The following HIPK2 variants were observed in gnomAD, a reference collection of about 807,000 sequenced individuals.
The protein encoded by HIPK2 is homeodomain interacting protein kinase 2.
HIPK2 carries 27 observed loss-of-function variants against 113.7 expected under a neutral mutation model. The ratio of observed to expected loss-of-function variants is 0.24; its 90% CI spans 0.17 to 0.33. The LOEUF is 0.33. HIPK2 is among the 10% of genes least tolerant of loss of function. The pLI is 1.00. For synonymous variants in HIPK2, 631 were observed against 642.2 expected (o/e 0.98, Z 0.26); for missense variants, 1,257 against 1,588.0 (o/e 0.79, Z 3.54).
intron 2 of HIPK2, among the ~76,000 whole-genome samples, chr7:139,679,111 A>C (rs1446368745): frequency 6.6e-6 from 1 of 152,192 alleles, no homozygotes; most frequent in African/African-American, 2.4e-5. Context: ...CTGCAAAGAG[A>C]GACGATTTGA....
intron 11 of HIPK2, among the ~76,000 whole-genome samples, chr7:139,599,069 T>G (rs1026973728): frequency 6.6e-6 from 1 of 152,218 alleles, no homozygotes; most frequent in African/African-American, 2.4e-5. Context: ...TCTGCTTATA[T>G]GAGGAAGCAG....
intron 2 of HIPK2, among the ~76,000 whole-genome samples, chr7:139,656,940 G>C (rs994875670): frequency 1.3e-5 from 2 of 151,386 alleles, no homozygotes; most frequent in Admixed American, 6.6e-5. Flanking sequence ...GCACAATCTC[G>C]GCTCACTGCA....
At chr7:139,582,382 G>A (rs1351036364) in intron 13 of HIPK2, among the ~76,000 whole-genome samples, 1 of 152,320 alleles carries the variant, frequency 6.6e-6, no homozygotes, top group East Asian at 1.9e-4. Flanking sequence ...AGCACAGCGC[G>A]AGCTGCGTGC....
chr7:139,716,121 A>G lies in HIPK2; in HGVS notation c.914T>C (p.Leu305Pro), dbSNP rs1230898544. 6.2e-7 allele frequency: 1 copy of G among 1,614,068 alleles called. No homozygotes were observed. The highest frequency in any genetic ancestry group is 8.5e-7 in the Non-Finnish European group (1 of 1,179,946). ...PLPLKYIRPVLQQVATALMKL... is the reference protein window; with the variant it reads ...PLPLKYIRPVPQQVATALMKL... ...CATCAGGGCTGTGGCTACCTGCTGGAGAACTGGGCGAATGTATTTGAGGGG... is the reference window on the plus strand; with the variant it reads ...CATCAGGGCTGTGGCTACCTGCTGGGGAACTGGGCGAATGTATTTGAGGGG... Residue 305 changes from leucine (L) to proline (P), a missense_variant, in exon 2 of 15, where the codon CTC becomes CCC. Coordinates refer to ENST00000406875, the MANE Select transcript of HIPK2 (RefSeq NM_022740.5). The surrounding 1 kb of genome is among the most constrained non-coding windows in gnomAD (Gnocchi z 9.3).
chr7:139,606,668 C>T (rs1420658090), intron 9 of HIPK2, among the ~76,000 whole-genome samples: 1 of 152,222 alleles, frequency 6.6e-6, no homozygotes, highest in Non-Finnish European at 1.5e-5. Context: ...CTAGACAATT[C>T]TCTCTAGGGG....
intron 6 of HIPK2, 97 bp from the exon 7 acceptor site, chr7:139,620,660 G>C: frequency 1.4e-6 from 2 of 1,436,328 alleles, no homozygotes; most frequent in Non-Finnish European, 1.9e-6. Flanking sequence ...GGAGAGAAGG[G>C]TTAATTCAGT....
intron 2 of HIPK2, among the ~76,000 whole-genome samples, chr7:139,702,638 G>A (rs972659510): frequency 6.6e-6 from 1 of 152,148 alleles, no homozygotes; most frequent in South Asian, 2.1e-4. Context: ...TTGAGATAAC[G>A]ATTACAGGGA....
intron 1 of HIPK2, among the ~76,000 whole-genome samples, chr7:139,751,576 A>G (rs900362900): frequency 1.4e-5 from 2 of 147,664 alleles, no homozygotes; most frequent in African/African-American, 5.1e-5. Context: ...GGATGGATGG[A>G]TGGTTGGATG....
chr7:139,666,719 G>C (rs945900065), intron 2 of HIPK2, among the ~76,000 whole-genome samples: 1 of 152,140 alleles, frequency 6.6e-6, no homozygotes, highest in Non-Finnish European at 1.5e-5. Flanking sequence ...AAAGATGTTA[G>C]AAATGTATTA....
intron 2 of HIPK2, among the ~76,000 whole-genome samples, chr7:139,680,918 T>C (rs1273784323): frequency 6.6e-6 from 1 of 152,234 alleles, no homozygotes; most frequent in Non-Finnish European, 1.5e-5. Context: ...ACAGGGCCAC[T>C]GTGCTACAAG....
At chr7:139,695,089 A>G (rs1794524966) in intron 2 of HIPK2, among the ~76,000 whole-genome samples, 1 of 152,214 alleles carries the variant, frequency 6.6e-6, no homozygotes, top group Admixed American at 6.5e-5. Context: ...TTTTGTCAAG[A>G]AAACAAAACG....
intron 2 of HIPK2, among the ~76,000 whole-genome samples, chr7:139,666,817 G>C (rs780492432): frequency 1.3e-5 from 2 of 152,158 alleles, no homozygotes; most frequent in Non-Finnish European, 2.9e-5. Context: ...AATCCTAGCA[G>C]TTTGGGAGGC....
At chr7:139,599,172 G>A (rs1051227303) in intron 11 of HIPK2, among the ~76,000 whole-genome samples, 2 of 152,196 alleles carry the variant, frequency 1.3e-5, no homozygotes, top group Non-Finnish European at 1.5e-5. Flanking sequence ...TGTGCCATTA[G>A]GAAGAGATGC....
At chr7:139,646,491 C>T (rs1347337735) in intron 2 of HIPK2, among the ~76,000 whole-genome samples, 2 of 131,572 alleles carry the variant, frequency 1.5e-5, no homozygotes, top group African/African-American at 2.9e-5. Context: ...CAGAGTAAGA[C>T]CTTGTCTTAA....
intron 7 of HIPK2, among the ~76,000 whole-genome samples, chr7:139,616,112 G>GGCACCTGTA (rs1800034986): frequency 6.6e-6 from 1 of 152,078 alleles, no homozygotes; most frequent in Non-Finnish European, 1.5e-5. Flanking sequence ...TGGGGGTCCT[G>GGCACCTGTA]GCACCTGTAT....
chr7:139,617,720 A>G lies in HIPK2; in HGVS notation c.1782+2681T>C, dbSNP rs570033787. ...TTCCTTGAGACCTAAAAGATTGTAG[A>G]TTCATGATCATTTGGGAAATGGTTC... is the stretch of plus-strand genomic sequence containing the variant. On this transcript the variant is annotated intron_variant, in intron 7 of 14. Transcript: ENST00000406875. Among the ~76,000 whole-genome samples the G allele has an allele frequency of 1.1e-4, 17 of 152,360 alleles. No individual in the cohort carries two copies. The South Asian group carries it at 3.5e-3, about 32-fold the overall frequency.
At chr7:139,596,636 G>A in intron 12 of HIPK2, 81 bp downstream of exon 12, 1 of 1,533,324 alleles carries the variant, frequency 6.5e-7, no homozygotes, top group Non-Finnish European at 8.9e-7. Context: ...CCTTATGTTT[G>A]ATGATGGAAG....
Position 139,631,291 on chromosome 7 carries a change from G to A in HIPK2, c.1228-7C>T. ...TTTGTGAAATATACCGAATCTGCAA[G>A]AAAAGATAAGAATGAGGTCAGGGCT... On this transcript the variant is annotated splice_region_variant and splice_polypyrimidine_tract_variant and intron_variant, in intron 3 of 14. Transcript: ENST00000406875. The surrounding 1 kb of genome is among the most constrained non-coding windows in gnomAD (Gnocchi z 4.9). 6.2e-7 allele frequency: 1 copy of A among 1,606,816 alleles called. No individual in the cohort carries two copies.
chr7:139,605,861 A>G (rs1799601278), intron 9 of HIPK2, among the ~76,000 whole-genome samples: 1 of 152,264 alleles, frequency 6.6e-6, no homozygotes, highest in Non-Finnish European at 1.5e-5. Context: ...AAGCGGAAAC[A>G]TAATTTAATT....
Sources: gnomAD v4.1 joint callset for allele counts (sites outside exome capture counted in the v4.1 genomes callset) on GRCh38, gnomAD v4.1.1 for gene constraint, Gnocchi (gnomAD v3.1) non-coding constraint, MANE v1.5 for transcripts, NCBI Gene and HGNC (gene_info 2026-07-23, HGNC 2026-07-21) for gene names.